The following EML6 variants were observed in gnomAD, a reference collection of about 807,000 sequenced individuals.
EML6 encodes the protein EMAP like 6.
EML6 carries 154 observed loss-of-function variants against 240.1 expected under a neutral mutation model. That is an observed-to-expected ratio of 0.64 (90% CI 0.56 to 0.73). The LOEUF (loss-of-function observed/expected upper bound fraction) is 0.73, where lower values mean the gene tolerates loss of function less well. Ranked by LOEUF, EML6 falls within the 30% of genes least tolerant of loss-of-function variation. The pLI, the probability that EML6 is intolerant of heterozygous loss-of-function variation, is 0.00. For synonymous variants in EML6, 1,148 were observed against 899.0 expected (o/e 1.28, Z -4.95); for missense variants, 2,964 against 2,474.6 (o/e 1.20, Z -4.20).
Position 54,863,977 on chromosome 2 carries a change from C to T in EML6, c.1932+88C>T, listed in dbSNP as rs1573025534. ...GACATAGCACTAAAAATGACTGGCA[C>T]TTAGACAAAGAGAATTGAGGCAAAA... On this transcript the variant is annotated intron_variant, in intron 13 of 41. Transcript: ENST00000356458. 1.3e-5 allele frequency: 9 copies of T among 699,826 alleles called. No individual in the cohort carries two copies. The Admixed American group carries it at 1.4e-4, about 11-fold the overall frequency. 43.4% of individuals were successfully genotyped at this position (699,826 alleles called of 1,614,324 possible). A position where few individuals can be genotyped will look rare whatever the true frequency, so the allele number is the denominator to read the frequency against.
At chr2:54,889,286 C>A (rs903334732) in intron 17 of EML6, among the ~76,000 whole-genome samples, 22 of 152,018 alleles carry the variant, frequency 1.4e-4, no homozygotes, top group African/African-American at 5.1e-4. Flanking sequence ...CTGGCTTATT[C>A]TTCCATGAGA....
chr2:54,896,262 C>A (rs151212365), intron 21 of EML6, among the ~76,000 whole-genome samples: 1 of 152,072 alleles, frequency 6.6e-6, no homozygotes, highest in Non-Finnish European at 1.5e-5. Context: ...TCAATCTGTC[C>A]GTCCATAAAA....
At chr2:54,966,019 T>C (rs1464464513) in intron 38 of EML6, among the ~76,000 whole-genome samples, 1 of 152,252 alleles carries the variant, frequency 6.6e-6, no homozygotes, top group Non-Finnish European at 1.5e-5. Context: ...AGAAACAAGA[T>C]GGAGCCAGTT....
chr2:54,790,673 A>G lies in EML6; in HGVS notation c.198-22559A>G, dbSNP rs116708393. Among the ~76,000 whole-genome samples the G allele has an allele frequency of 4.2e-3, 626 of 150,070 alleles. 1 individual carries two copies. The highest frequency in any genetic ancestry group is 0.014 in the African/African-American group (582 of 40,910). ...CCCACAGTTGATCATTCACATCCAT[A>G]TTAGTATCAGGACCCTATTGTGTAT... On this transcript the variant is annotated intron_variant, in intron 2 of 41. Coordinates refer to ENST00000356458, the MANE Select transcript of EML6 (RefSeq NM_001039753.4).
intron 28 of EML6, among the ~76,000 whole-genome samples, chr2:54,943,381 C>A (rs898084069): frequency 3.3e-5 from 5 of 152,152 alleles, no homozygotes; most frequent in African/African-American, 1.2e-4. Context: ...ACAGCCAGAT[C>A]CATGTCCTCA....
At chr2:54,930,406 G>A (rs969810025) in intron 28 of EML6, among the ~76,000 whole-genome samples, 1 of 152,058 alleles carries the variant, frequency 6.6e-6, no homozygotes, top group Non-Finnish European at 1.5e-5. Flanking sequence ...TGATAGAGAG[G>A]ACCCTAAGAA....
chr2:54,749,771 C>T (rs538183894), intron 2 of EML6, among the ~76,000 whole-genome samples: 16 of 152,236 alleles, frequency 1.1e-4, no homozygotes, highest in African/African-American at 2.4e-4. Context: ...TAAACCCAGG[C>T]GTCTCTCACC....
At chr2:54,785,170 CT>C (rs57639955) in intron 2 of EML6, among the ~76,000 whole-genome samples, 72,657 of 102,528 alleles carry the variant, frequency 0.71, 26,183 homozygotes, top group Middle Eastern at 0.86. Context: ...CACACACACA[CT>C]TTTTTTTTTT....
chr2:54,848,063 G>C (rs1163206165), intron 9 of EML6, among the ~76,000 whole-genome samples: 1 of 149,734 alleles, frequency 6.7e-6, no homozygotes, highest in African/African-American at 2.5e-5. Flanking sequence ...TGTGGGCTTT[G>C]TAGTAAGCCA....
chr2:54,920,553 A>C (rs994386483), intron 26 of EML6, among the ~76,000 whole-genome samples: 4 of 152,330 alleles, frequency 2.6e-5, no homozygotes, highest in Admixed American at 2.0e-4. Context: ...ATGTGGCTTC[A>C]TGTGTGATTT....
At chr2:54,895,547 C>G in intron 21 of EML6, 147 bp downstream of exon 21, 1 of 704,050 alleles carries the variant, frequency 1.4e-6, no homozygotes. Flanking sequence ...TGCTGTGTAA[C>G]AAATTGCCAC....
chr2:54,839,696 A>T (rs1264262359), intron 7 of EML6, among the ~76,000 whole-genome samples: 2 of 152,194 alleles, frequency 1.3e-5, no homozygotes, highest in African/African-American at 4.8e-5. Context: ...CAGCAGTGGG[A>T]TCCTCAAACT....
intron 2 of EML6, among the ~76,000 whole-genome samples, chr2:54,797,582 C>T (rs1252504871): frequency 6.6e-6 from 1 of 151,524 alleles, no homozygotes; most frequent in Non-Finnish European, 1.5e-5. Flanking sequence ...ACTAAGTGTG[C>T]AATAGCATTA....
In EML6 at chr2:54,837,600, G is replaced by C. The variant is rs572049896; in HGVS notation, c.848-6447G>C. ...TTTGCTCATCATCTTTGGGCTTTCC[G>C]ATCCAGTGGGGTAGAGTTTGCCAGC... is the stretch of plus-strand genomic sequence containing the variant. On this transcript the variant is annotated intron_variant, in intron 7 of 41. Transcript: ENST00000356458. Among the ~76,000 whole-genome samples, 43 of 152,264 alleles carry C rather than the reference G, an allele frequency of 2.8e-4. No homozygotes were observed. In the South Asian group the frequency reaches 8.3e-3, roughly 29 times the overall value.
At chr2:54,830,534 C>G (rs1457079351) in intron 7 of EML6, among the ~76,000 whole-genome samples, 10 of 152,290 alleles carry the variant, frequency 6.6e-5, no homozygotes, top group South Asian at 2.1e-4. Flanking sequence ...CTGGGCTGTT[C>G]CTCATGAAGC....
In EML6 at chr2:54,910,942, C is replaced by G. The variant is rs771417463; in HGVS notation, c.3410-12C>G. 6.8e-7 allele frequency: 1 copy of G among 1,465,240 alleles called. No individual in the cohort carries two copies. 90.8% of individuals were successfully genotyped at this position (1,465,240 alleles called of 1,614,324 possible). On this transcript the variant is annotated splice_polypyrimidine_tract_variant and intron_variant, in intron 24 of 41. Coordinates refer to ENST00000356458, the MANE Select transcript of EML6 (RefSeq NM_001039753.4). The stretch of plus-strand genomic sequence containing the variant: ...ATTTTAATTATCTCTCTACTTCGTT[C>G]TGTCGTAACAGGAAAATTATTGCAA...
intron 11 of EML6, among the ~76,000 whole-genome samples, chr2:54,856,314 A>T (rs1670374554): frequency 1.3e-5 from 2 of 152,310 alleles, no homozygotes; most frequent in African/African-American, 2.4e-5. Context: ...ACAATTTTCC[A>T]TGTCCTAATA....
chr2:54,872,557 A>G (rs1425916639), intron 16 of EML6, among the ~76,000 whole-genome samples: 1 of 152,124 alleles, frequency 6.6e-6, no homozygotes, highest in Non-Finnish European at 1.5e-5. Flanking sequence ...TCCCAAAAGC[A>G]TAGTTACCAT....
intron 17 of EML6, chr2:54,882,856 T>TAAAAAAAAAAAAAAAAA (rs1452424017): frequency 1.5e-3 from 1 of 648 alleles, no homozygotes; most frequent in Non-Finnish European, 6.0e-3. Flanking sequence ...AGACTCCGTC[T>TAAAAAAAAAAAAAAAAA]CAAAAAAAAA....
Sources: gnomAD v4.1 joint callset for allele counts (sites outside exome capture counted in the v4.1 genomes callset) on GRCh38, gnomAD v4.1.1 for gene constraint, MANE v1.5 for transcripts, NCBI Gene and HGNC (gene_info 2026-07-23, HGNC 2026-07-21) for gene names.